Variants in LAMA2 observed in about 807,000 individuals in gnomAD.
LAMA2 encodes the protein laminin subunit alpha 2, also known as laminin subunit alpha-2.
Under a neutral mutation model 364.8 loss-of-function variants are expected in LAMA2, and 269 were observed. The observed-to-expected ratio is 0.74, with a 90% confidence interval of 0.67 to 0.82. The LOEUF (loss-of-function observed/expected upper bound fraction) is 0.82, where lower values mean the gene tolerates loss of function less well. Ranked by LOEUF, LAMA2 falls within the 40% of genes least tolerant of loss-of-function variation. LAMA2 has a pLI of 0.00. For synonymous variants in LAMA2, 1,379 were observed against 1,370.6 expected, an observed-to-expected ratio of 1.01 and a Z score of -0.14; for missense variants, 3,807 against 3,873.2, an observed-to-expected ratio of 0.98 and a Z score of 0.45.
chr6:129,113,875 A>T (rs530396486), intron 4 of LAMA2, among the ~76,000 whole-genome samples: 1 of 152,000 alleles, frequency 6.6e-6, no homozygotes, highest in Non-Finnish European at 1.5e-5. Flanking sequence ...AAGGCCCTAC[A>T]CTAGGACTCA....
intron 1 of LAMA2, among the ~76,000 whole-genome samples, chr6:128,975,492 A>T (rs1420821887): frequency 6.6e-6 from 1 of 152,152 alleles, no homozygotes; most frequent in Non-Finnish European, 1.5e-5. Flanking sequence ...TTGGAATATA[A>T]AGTGTGGGGC....
intron 32 of LAMA2, among the ~76,000 whole-genome samples, 175 bp downstream of exon 32, chr6:129,353,532 G>A (rs962751297): frequency 8.7e-5 from 13 of 149,766 alleles, no homozygotes; most frequent in African/African-American, 1.2e-4. Flanking sequence ...TGCTGATTGC[G>A]TGTCCATCCT....
At chr6:129,386,603 T>C (rs1779032596) in intron 35 of LAMA2, among the ~76,000 whole-genome samples, 1 of 151,878 alleles carries the variant, frequency 6.6e-6, no homozygotes, top group Admixed American at 6.6e-5. Flanking sequence ...TAAATGAGGG[T>C]AAGTAAAGCG....
At chr6:129,133,035 C>A (rs983004806) in intron 4 of LAMA2, among the ~76,000 whole-genome samples, 6 of 152,104 alleles carry the variant, frequency 3.9e-5, no homozygotes, top group South Asian at 2.1e-4. Flanking sequence ...TGCAATCACA[C>A]AAAGTATCAG....
In LAMA2 at chr6:129,507,565, C is replaced by G. The variant is rs1217291901; in HGVS notation, c.8780C>G (p.Ser2927Cys). 6.2e-7 allele frequency: 1 copy of G among 1,614,206 alleles called. No individual in the cohort carries two copies. Among genetic ancestry groups the G allele is most frequent in the Non-Finnish European group, 8.5e-7 (1 of 1,180,006 alleles). ...CCTGCCGATCTGGAACAACCCACCT[C>G]CAGCTTCCATGTTGGGACATGTTTT... ...EAPADLEQPT[S>C]SFHVGTCFAN... The change falls in exon 62 of 65, where the codon TCC (serine) becomes TGC (cysteine). Residue 2927 changes from serine to cysteine, a missense_variant. Coordinates refer to ENST00000421865, the MANE Select transcript of LAMA2 (RefSeq NM_000426.4).
chr6:129,208,753 G>A (rs965620384), intron 12 of LAMA2, among the ~76,000 whole-genome samples: 2 of 150,600 alleles, frequency 1.3e-5, no homozygotes, highest in African/African-American at 4.9e-5. Context: ...GAGGAAGGAA[G>A]GAAGAGGAAG....
intron 1 of LAMA2, among the ~76,000 whole-genome samples, chr6:128,942,176 G>A (rs1780201662): frequency 6.6e-6 from 1 of 151,806 alleles, no homozygotes; most frequent in African/African-American, 2.4e-5. Context: ...TTTTTTCATA[G>A]CCATAACTTT....
At chr6:129,287,778 G>C in intron 18 of LAMA2, 69 bp from the exon 19 acceptor site, 2 of 1,264,592 alleles carry the variant, frequency 1.6e-6, no homozygotes, top group Non-Finnish European at 2.3e-6. Context: ...AGGGGAGAAT[G>C]AAAAATATGT....
chr6:129,068,044 C>T (rs758019440), intron 3 of LAMA2, among the ~76,000 whole-genome samples: 25 of 152,140 alleles, frequency 1.6e-4, no homozygotes, highest in Non-Finnish European at 2.6e-4. Flanking sequence ...TTTTTTTGTG[C>T]GTGGAGCTAT....
intron 53 of LAMA2, 74 bp from the exon 54 acceptor site, chr6:129,478,619 C>T: frequency 1.3e-6 from 2 of 1,526,170 alleles, no homozygotes; most frequent in South Asian, 1.1e-5. Flanking sequence ...ACAAGGCTTC[C>T]TTCCCATAGT....
intron 34 of LAMA2, among the ~76,000 whole-genome samples, chr6:129,380,654 G>A (rs186436907): frequency 1.3e-5 from 2 of 152,276 alleles, no homozygotes; most frequent in Admixed American, 6.5e-5. Context: ...AGGTGTTGAG[G>A]AGAAGCTCAT....
chr6:128,884,323 A>AG (rs1385723734), intron 1 of LAMA2, among the ~76,000 whole-genome samples: 2 of 152,184 alleles, frequency 1.3e-5, no homozygotes, highest in African/African-American at 4.8e-5. Flanking sequence ...AAGTAAAAAA[A>AG]AAAGAAATAT....
intron 1 of LAMA2, among the ~76,000 whole-genome samples, chr6:128,943,500 C>T (rs1440987752): frequency 6.6e-6 from 1 of 151,888 alleles, no homozygotes; most frequent in Non-Finnish European, 1.5e-5. Flanking sequence ...CTGTGTTGCC[C>T]AAGCTGATCT....
chr6:129,223,475 T>A (rs952966262), intron 12 of LAMA2, among the ~76,000 whole-genome samples: 1 of 152,106 alleles, frequency 6.6e-6, no homozygotes, highest in East Asian at 1.9e-4. Flanking sequence ...TATGGTTTTA[T>A]GTCTAACATT....
intron 3 of LAMA2, among the ~76,000 whole-genome samples, chr6:129,086,290 T>G (rs1774383881): frequency 6.6e-6 from 1 of 152,190 alleles, no homozygotes; most frequent in African/African-American, 2.4e-5. Flanking sequence ...TGAAACCATC[T>G]GAGAGGTGGT....
At chr6:128,996,446 C>A (rs1437702145) in intron 1 of LAMA2, among the ~76,000 whole-genome samples, 3 of 152,012 alleles carry the variant, frequency 2.0e-5, no homozygotes, top group Admixed American at 2.0e-4. Context: ...AAAAGCAACC[C>A]CATCGAAAAG....
chr6:129,184,031 C>T (rs1318622371), intron 10 of LAMA2, among the ~76,000 whole-genome samples: 1 of 151,950 alleles, frequency 6.6e-6, no homozygotes, highest in Non-Finnish European at 1.5e-5. Context: ...ATAATTATCA[C>T]ACTGAAGCCC....
At chr6:129,273,135 A>G (rs1788057846) in intron 17 of LAMA2, among the ~76,000 whole-genome samples, 1 of 152,172 alleles carries the variant, frequency 6.6e-6, no homozygotes, top group South Asian at 2.1e-4. Flanking sequence ...AGAACAAATG[A>G]AATATATTCC....
chr6:129,040,463 T>A (rs190881703), intron 1 of LAMA2, among the ~76,000 whole-genome samples: 2,164 of 148,922 alleles, frequency 0.015, 36 homozygotes, highest in Non-Finnish European at 0.017. Flanking sequence ...TTACAATAAT[T>A]AAAAAAAAAA....
Sources: allele counts gnomAD v4.1 joint callset (sites outside exome capture counted in the v4.1 genomes callset), GRCh38; gene constraint gnomAD v4.1.1; transcripts MANE v1.5; gene names NCBI Gene and HGNC (gene_info 2026-07-23, HGNC 2026-07-21).